SAE1: variants seen among roughly 807,000 people sequenced by gnomAD.
The protein encoded by SAE1 is SUMO1 activating enzyme subunit 1.
In SAE1, 11 loss-of-function variants were observed where a neutral mutation model predicts 40.6. The ratio of observed to expected loss-of-function variants is 0.27; its 90% CI spans 0.17 to 0.45. The LOEUF (loss-of-function observed/expected upper bound fraction) is 0.45, where lower values mean the gene tolerates loss of function less well. SAE1 is among the 20% of genes least tolerant of loss of function. The pLI, the probability that SAE1 is intolerant of heterozygous loss-of-function variation, is 1.00. For synonymous variants in SAE1, 155 were observed against 154.3 expected (o/e 1.00, Z -0.03); for missense variants, 373 against 427.3 (o/e 0.87, Z 1.12).
At chr19:47,142,847 A>G (rs2058230371) in intron 1 of SAE1, among the ~76,000 whole-genome samples, 1 of 152,136 alleles carries the variant, frequency 6.6e-6, no homozygotes, top group South Asian at 2.1e-4. Flanking sequence ...AGCGTTCTCC[A>G]TCATTCTTGA....
At chr19:47,178,578 A>G (rs545258908) in intron 6 of SAE1, among the ~76,000 whole-genome samples, 12 of 152,266 alleles carry the variant, frequency 7.9e-5, no homozygotes, top group South Asian at 6.2e-4. Flanking sequence ...GATTCGTGCA[A>G]TTCTCCTGCC....
intron 5 of SAE1, among the ~76,000 whole-genome samples, chr19:47,165,344 C>G (rs1465577920): frequency 1.3e-5 from 2 of 152,166 alleles, no homozygotes; most frequent in Non-Finnish European, 2.9e-5. Context: ...CCCACCTTGG[C>G]CTCCCAAAGT....
intron 6 of SAE1, among the ~76,000 whole-genome samples, chr19:47,188,590 T>A (rs2058558921): frequency 6.6e-6 from 1 of 152,170 alleles, no homozygotes; most frequent in African/African-American, 2.4e-5. Flanking sequence ...TTAAGAGCAG[T>A]GACAGACCTG....
chr19:47,140,057 C>T (rs533457090), intron 1 of SAE1, among the ~76,000 whole-genome samples: 1 of 150,800 alleles, frequency 6.6e-6, no homozygotes, highest in South Asian at 2.1e-4. Context: ...CCTGCCTCAG[C>T]TTCCCGAGTA....
In SAE1 at chr19:47,171,903, AT is replaced by A. The variant is rs147910209; in HGVS notation, c.733+1988del. The stretch of plus-strand genomic sequence containing the variant: ...CAGGCATGGTAGTTTTTTAAAAAGT[AT>A]TTTTTTTAATGTTATTTATGCATTT... On this transcript the variant is annotated intron_variant, in intron 6 of 8. Transcript: ENST00000270225. Among the ~76,000 whole-genome samples the A allele has an allele frequency of 4.3e-3, 645 of 151,378 alleles. 6 individuals carry two copies. Among genetic ancestry groups the A allele is most frequent in the African/African-American group, 0.015 (611 of 41,262 alleles).
intron 4 of SAE1, among the ~76,000 whole-genome samples, chr19:47,154,572 G>T (rs952222481): frequency 1.7e-5 from 2 of 119,170 alleles, no homozygotes; most frequent in African/African-American, 6.4e-5. Context: ...TCAGCTCATT[G>T]CAACCTCCTC....
Position 47,209,403 on chromosome 19 carries a change from C to T in SAE1, c.*152C>T, listed in dbSNP as rs558200802. On this transcript the variant is annotated 3_prime_UTR_variant, in exon 9 of 9. Transcript: ENST00000270225. ...CCTGCAACGAAGGAGGTGGTGCCGA[C>T]GTGCTGCTTCCCATCACCAGCAGCT... 11 of 1,339,354 alleles carry T rather than the reference C, an allele frequency of 8.2e-6. No homozygotes were observed. The highest frequency in any genetic ancestry group is 6.8e-5 in the South Asian group (5 of 73,026). 83.0% of individuals were successfully genotyped at this position (1,339,354 alleles called of 1,614,324 possible).
chr19:47,201,519 G>A (rs766837627), intron 7 of SAE1, among the ~76,000 whole-genome samples: 1 of 149,592 alleles, frequency 6.7e-6, no homozygotes, highest in African/African-American at 2.5e-5. Context: ...CTATAGGCAC[G>A]TGCCACCACG....
chr19:47,173,611 T>C (rs1283434285), intron 6 of SAE1, among the ~76,000 whole-genome samples: 1 of 152,076 alleles, frequency 6.6e-6, no homozygotes, highest in Non-Finnish European at 1.5e-5. Flanking sequence ...TCCTGTGCAC[T>C]GTGGGATATT....
At chr19:47,134,709 G>A (rs779112867) in intron 1 of SAE1, among the ~76,000 whole-genome samples, 24 of 152,068 alleles carry the variant, frequency 1.6e-4, no homozygotes, top group Non-Finnish European at 3.4e-4. Flanking sequence ...AAGTTGGTGA[G>A]GTTTAAACTG....
At chr19:47,135,390 A>C (rs2058172369) in intron 1 of SAE1, 1 of 151,940 alleles carries the variant, frequency 6.6e-6, no homozygotes, top group Non-Finnish European at 1.5e-5. Context: ...CAATTGTTTT[A>C]ATTTTTTTAG....
At chr19:47,172,790 A>G (rs1354208939) in intron 6 of SAE1, among the ~76,000 whole-genome samples, 1 of 152,044 alleles carries the variant, frequency 6.6e-6, no homozygotes, top group Admixed American at 6.6e-5. Flanking sequence ...GAGAAAAGAA[A>G]AAAAGCACAT....
intron 6 of SAE1, among the ~76,000 whole-genome samples, chr19:47,172,882 C>A (rs2058443458): frequency 6.6e-6 from 1 of 152,114 alleles, no homozygotes. Context: ...TCACAAAGGC[C>A]CTCAGGCAAG....
chr19:47,205,762 C>T (rs1181470102), intron 8 of SAE1, among the ~76,000 whole-genome samples: 1 of 152,200 alleles, frequency 6.6e-6, no homozygotes, highest in East Asian at 1.9e-4. Context: ...TTTCATCTCC[C>T]ACCGGCCCTA....
chr19:47,199,377 G>A (rs2058637990), intron 7 of SAE1, among the ~76,000 whole-genome samples: 1 of 142,742 alleles, frequency 7.0e-6, no homozygotes, highest in African/African-American at 2.6e-5. Flanking sequence ...AGAGCGAGAG[G>A]GAGACTCCTT....
Position 47,197,450 on chromosome 19 carries a change from A to G in SAE1, c.878+73A>G, listed in dbSNP as rs79689014. Reference sequence around the variant, plus strand: ...TTTTCAGGATTTGCCTTAATTTGACAAGCTCTTTTATTAGAAACCCTTCAG... The same window carrying G: ...TTTTCAGGATTTGCCTTAATTTGACGAGCTCTTTTATTAGAAACCCTTCAG... On this transcript the variant is annotated intron_variant, in intron 7 of 8. Coordinates refer to ENST00000270225, the MANE Select transcript of SAE1 (RefSeq NM_005500.3). The G allele has an allele frequency of 7.2e-4, 1,002 of 1,391,942 alleles. 9 individuals are homozygous for G. The African/African-American group carries it at 0.013, about 18-fold the overall frequency. The allele number at this position is 1,391,942 out of a possible 1,614,324, so 86.2% of individuals were successfully genotyped here.
chr19:47,146,617 A>C (rs933761564), intron 2 of SAE1, among the ~76,000 whole-genome samples: 8 of 152,182 alleles, frequency 5.3e-5, no homozygotes, highest in Non-Finnish European at 8.8e-5. Context: ...CACATCTGAG[A>C]TCAAGGACCC....
intron 6 of SAE1, among the ~76,000 whole-genome samples, chr19:47,180,816 C>A (rs1428050149): frequency 6.6e-6 from 1 of 151,912 alleles, no homozygotes; most frequent in African/African-American, 2.4e-5. Context: ...GACTTTGTCT[C>A]CCCCGAAAAA....
chr19:47,180,565 A>G (rs1395345787), intron 6 of SAE1, among the ~76,000 whole-genome samples: 2 of 152,134 alleles, frequency 1.3e-5, no homozygotes, highest in African/African-American at 4.8e-5. Context: ...CTGGTGGCTC[A>G]CCCCTATAAA....
Sources: allele counts gnomAD v4.1 joint callset (sites outside exome capture counted in the v4.1 genomes callset), GRCh38; gene constraint gnomAD v4.1.1; transcripts MANE v1.5; gene names NCBI Gene and HGNC (gene_info 2026-07-23, HGNC 2026-07-21).